Variants in DACH1 observed in about 807,000 individuals in gnomAD.
DACH1 encodes dachshund homolog 1.
Under a neutral mutation model 54.2 loss-of-function variants are expected in DACH1, and 12 were observed. That is an observed-to-expected ratio of 0.22 (90% CI 0.14 to 0.36). DACH1 has a LOEUF of 0.36. DACH1 is among the 10% of genes least tolerant of loss of function. The pLI is 1.00. For missense variants in DACH1, 805 were observed against 929.8 expected (o/e 0.87, Z 1.75); for synonymous variants, 386 against 366.2 (o/e 1.05, Z -0.62).
intron 1 of DACH1, among the ~76,000 whole-genome samples, chr13:71,846,577 C>A (rs546302294): frequency 2.2e-4 from 33 of 152,288 alleles, no homozygotes; most frequent in African/African-American, 7.9e-4. Flanking sequence ...TTGCAGTGAG[C>A]CGAGATGGCG....
At position 71,832,993 on chromosome 13, in the gene DACH1, T is replaced by C. The variant is rs552059911; in HGVS notation, c.848+32929A>G. On this transcript the variant is annotated intron_variant, in intron 1 of 10. Transcript: ENST00000613252. ...CCTACTTTTTTATTTTTATTTTTATTTTTAATGAAATCCATATAGCTTCAG... is the reference window on the plus strand; with the variant it reads ...CCTACTTTTTTATTTTTATTTTTATCTTTAATGAAATCCATATAGCTTCAG... Among the ~76,000 whole-genome samples the C allele has an allele frequency of 1.1e-4, 17 of 152,110 alleles. 1 individual carries two copies. The South Asian group carries it at 3.5e-3, about 32-fold the overall frequency.
intron 2 of DACH1, 56 bp from the exon 3 acceptor site, chr13:71,630,773 G>A: frequency 6.7e-7 from 1 of 1,490,054 alleles, no homozygotes; most frequent in South Asian, 1.4e-5. Flanking sequence ...TCATTTAATA[G>A]TTCCTGTACT....
intron 1 of DACH1, among the ~76,000 whole-genome samples, chr13:71,842,162 A>C (rs1594289056): frequency 6.6e-6 from 1 of 152,214 alleles, no homozygotes; most frequent in South Asian, 2.1e-4. Context: ...CCTCTATAAA[A>C]TGGAGATAAG....
intron 1 of DACH1, among the ~76,000 whole-genome samples, chr13:71,833,394 A>G (rs950777327): frequency 2.0e-5 from 3 of 152,054 alleles, no homozygotes; most frequent in African/African-American, 7.2e-5. Flanking sequence ...GTTTGAAAGC[A>G]TCCGTTAACC....
intron 1 of DACH1, among the ~76,000 whole-genome samples, chr13:71,707,983 G>T (rs541749526): frequency 2.0e-4 from 30 of 152,164 alleles, no homozygotes; most frequent in Non-Finnish European, 3.8e-4. Context: ...AAGTGGAAAA[G>T]CATAATAATA....
chr13:71,541,170 T>A (rs565509804), intron 6 of DACH1, among the ~76,000 whole-genome samples: 365 of 152,130 alleles, frequency 2.4e-3, no homozygotes, highest in Non-Finnish European at 4.2e-3. Context: ...TTTTATTTTT[T>A]AAAAAACCTG....
At chr13:71,761,575 A>G (rs2138008888) in intron 1 of DACH1, among the ~76,000 whole-genome samples, 1 of 152,304 alleles carries the variant, frequency 6.6e-6, no homozygotes, top group Admixed American at 6.5e-5. Flanking sequence ...CTTTAAAAAT[A>G]TCACCTGAAA....
At chr13:71,704,391 T>C in intron 1 of DACH1, 1 of 419,776 alleles carries the variant, frequency 2.4e-6, no homozygotes, top group Non-Finnish European at 4.6e-6. Flanking sequence ...CAGCATGCTG[T>C]TGACATTGTT....
At chr13:71,673,125 A>G (rs1270849332) in intron 2 of DACH1, among the ~76,000 whole-genome samples, 2 of 152,176 alleles carry the variant, frequency 1.3e-5, no homozygotes, top group Non-Finnish European at 2.9e-5. Context: ...GAAGAGAGAA[A>G]TAAATTAGGG....
rs1227613080 is a variant in DACH1 at position 71,438,618 on chromosome 13, C to G, written c.*2037G>C. 6.6e-6 allele frequency: 1 copy of G among 152,258 alleles called. No individual in the cohort carries two copies. Among genetic ancestry groups the G allele is most frequent in the African/African-American group, 2.4e-5 (1 of 41,392 alleles). The allele number at this position is 152,258 out of a possible 1,614,324, so 9.4% of individuals were successfully genotyped here. On this transcript the variant is annotated 3_prime_UTR_variant, in exon 11 of 11. Transcript: ENST00000613252. Reference sequence around the variant, plus strand: ...CACATAACAAACAGGTGACTCTATGCCAGGAGCAGAGCAATGGCTGATTCT... The same window carrying G: ...CACATAACAAACAGGTGACTCTATGGCAGGAGCAGAGCAATGGCTGATTCT...
intron 3 of DACH1, among the ~76,000 whole-genome samples, chr13:71,584,247 A>C (rs1163122688): frequency 6.6e-6 from 1 of 152,186 alleles, no homozygotes; most frequent in Admixed American, 6.5e-5. Context: ...TTTCAAAACG[A>C]ATTAAATACC....
chr13:71,640,196 A>AC (rs1877794461), intron 2 of DACH1, among the ~76,000 whole-genome samples: 1 of 151,768 alleles, frequency 6.6e-6, no homozygotes, highest in Non-Finnish European at 1.5e-5. Context: ...GAAACAGATG[A>AC]CCCCCACTTT....
chr13:71,551,109 T>C (rs1218848274), intron 6 of DACH1, among the ~76,000 whole-genome samples: 1 of 152,100 alleles, frequency 6.6e-6, no homozygotes, highest in African/African-American at 2.4e-5. Context: ...TTAGTATTGA[T>C]TAATTTGAAT....
chr13:71,864,481 A>G (rs73505544), intron 1 of DACH1, among the ~76,000 whole-genome samples: 282 of 152,016 alleles, frequency 1.9e-3, no homozygotes, highest in African/African-American at 6.2e-3. Flanking sequence ...AAGTTTCCCT[A>G]TCTCTGCGGG....
At chr13:71,689,698 G>A (rs1233724440) in intron 1 of DACH1, among the ~76,000 whole-genome samples, 1 of 152,034 alleles carries the variant, frequency 6.6e-6, no homozygotes, top group Non-Finnish European at 1.5e-5. Context: ...ACTACATACT[G>A]AATAAGGAAT....
At chr13:71,546,149 C>T (rs781219051) in intron 6 of DACH1, among the ~76,000 whole-genome samples, 1 of 152,022 alleles carries the variant, frequency 6.6e-6, no homozygotes, top group Non-Finnish European at 1.5e-5. Flanking sequence ...GTTTATATTG[C>T]TTGCAATAAA....
intron 6 of DACH1, among the ~76,000 whole-genome samples, chr13:71,550,585 T>C (rs2138355780): frequency 6.6e-6 from 1 of 152,290 alleles, no homozygotes; most frequent in South Asian, 2.1e-4. Flanking sequence ...CTGTTATGAA[T>C]ATCTTACAGT....
intron 3 of DACH1, among the ~76,000 whole-genome samples, chr13:71,621,043 C>G (rs1876197478): frequency 6.6e-6 from 1 of 151,678 alleles, no homozygotes; most frequent in Admixed American, 6.6e-5. Context: ...AATTTTTAAA[C>G]TTTTAAACAC....
chr13:71,861,343 A>G (rs1397136443), intron 1 of DACH1, among the ~76,000 whole-genome samples: 2 of 152,002 alleles, frequency 1.3e-5, no homozygotes, highest in African/African-American at 2.4e-5. Flanking sequence ...AAAGTAAAGT[A>G]TCATCATAAC....
Sources: allele counts gnomAD v4.1 joint callset (sites outside exome capture counted in the v4.1 genomes callset), GRCh38; gene constraint gnomAD v4.1.1; transcripts MANE v1.5; gene names NCBI Gene and HGNC (gene_info 2026-07-23, HGNC 2026-07-21).